The following UBTD1 variants were observed in gnomAD, a reference collection of about 807,000 sequenced individuals.
The protein encoded by UBTD1 is ubiquitin domain containing 1.
Under a neutral mutation model 21.7 loss-of-function variants are expected in UBTD1, and 19 were observed. That is an observed-to-expected ratio of 0.87 (90% CI 0.61 to 1.28). The LOEUF is 1.28. UBTD1 is among the 50% of genes most tolerant of loss of function. UBTD1 has a pLI of 0.00. For missense variants in UBTD1, 282 were observed against 315.1 expected, an observed-to-expected ratio of 0.89 and a Z score of 0.80; for synonymous variants, 116 against 135.1, an observed-to-expected ratio of 0.86 and a Z score of 0.98.
At chr10:97,542,936 C>A (rs994311970) in intron 1 of UBTD1, among the ~76,000 whole-genome samples, 3 of 152,256 alleles carry the variant, frequency 2.0e-5, no homozygotes, top group Non-Finnish European at 2.9e-5. Flanking sequence ...CAGCACTTCT[C>A]GGCCTTGGCC....
At chr10:97,569,458 C>T (rs757362260) in intron 2 of UBTD1, among the ~76,000 whole-genome samples, 2 of 152,164 alleles carry the variant, frequency 1.3e-5, no homozygotes, top group Admixed American at 1.3e-4. Flanking sequence ...CAAGCCAGTA[C>T]CTGGTGGAGC....
intron 1 of UBTD1, among the ~76,000 whole-genome samples, chr10:97,533,013 T>G (rs999644993): frequency 6.6e-6 from 1 of 152,200 alleles, no homozygotes; most frequent in Non-Finnish European, 1.5e-5. Flanking sequence ...GCATCCACTT[T>G]CCCAGCTGGA....
intron 1 of UBTD1, among the ~76,000 whole-genome samples, chr10:97,507,868 C>A (rs1212184317): frequency 6.7e-6 from 1 of 149,922 alleles, no homozygotes; most frequent in South Asian, 2.1e-4. Context: ...ACTGAAGGGA[C>A]AGGGATGACT....
At position 97,567,762 on chromosome 10, in the gene UBTD1, T is replaced by A. The variant is rs1343237008; in HGVS notation, c.71-152T>A. ...TATGTGAAGTTTTCTGACTCTTCCC[T>A]GCTATTTAGGAAGGGCTTCAAAGAC... On this transcript the variant is annotated intron_variant, in intron 1 of 2. Transcript: ENST00000370664. 7 of 703,872 alleles carry A rather than the reference T, an allele frequency of 9.9e-6. No homozygotes were observed. In the African/African-American group the frequency reaches 1.1e-4, roughly 11 times the overall value. The allele number at this position is 703,872 out of a possible 1,614,324, so 43.6% of individuals were successfully genotyped here.
chr10:97,534,575 G>A (rs992345709), intron 1 of UBTD1, among the ~76,000 whole-genome samples: 21 of 47,028 alleles, frequency 4.5e-4, no homozygotes, highest in Non-Finnish European at 9.8e-4. Context: ...ACACACGCGC[G>A]CGCGCACACA....
intron 1 of UBTD1, among the ~76,000 whole-genome samples, chr10:97,528,821 C>T (rs1351354628): frequency 7.0e-6 from 1 of 142,798 alleles, no homozygotes; most frequent in East Asian, 2.2e-4. Context: ...GGCAGAGGGG[C>T]TCCTCACTTC....
intron 1 of UBTD1, among the ~76,000 whole-genome samples, chr10:97,546,900 ACTCT>A (rs144552590): frequency 1.2e-4 from 18 of 147,142 alleles, no homozygotes; most frequent in African/African-American, 3.5e-4. Flanking sequence ...TCACACACAC[ACTCT>A]CTCTCTCTCT....
intron 1 of UBTD1, among the ~76,000 whole-genome samples, chr10:97,532,705 G>A (rs866778543): frequency 6.2e-4 from 95 of 152,232 alleles, no homozygotes; most frequent in Admixed American, 7.2e-4. Flanking sequence ...CAGGAGAATC[G>A]CTTGAGTCCG....
Position 97,526,262 on chromosome 10 carries a change from G to A in UBTD1, c.70+26989G>A, listed in dbSNP as rs117586811. ...TTTCTGGAAAGCAATTTGGCAAAAG[G>A]TAACAAGAACCTTAAAACTATCCCT... On this transcript the variant is annotated intron_variant, in intron 1 of 2. Transcript: ENST00000370664. Among the ~76,000 whole-genome samples, 363 of 152,296 alleles carry A rather than the reference G, an allele frequency of 2.4e-3. 1 individual carries two copies. Among genetic ancestry groups the A allele is most frequent in the Non-Finnish European group, 4.6e-3 (310 of 68,026 alleles).
chr10:97,529,804 C>T (rs1183703812), intron 1 of UBTD1, among the ~76,000 whole-genome samples: 2 of 152,106 alleles, frequency 1.3e-5, no homozygotes, highest in Admixed American at 6.5e-5. Flanking sequence ...TGGGACTGAT[C>T]TGCCCTTCTT....
chr10:97,524,433 T>G (rs1250792310), intron 1 of UBTD1, among the ~76,000 whole-genome samples: 1 of 152,104 alleles, frequency 6.6e-6, no homozygotes, highest in Non-Finnish European at 1.5e-5. Flanking sequence ...CTGGCACACC[T>G]CCTTCTTCTA....
chr10:97,536,008 T>TTATTATTATTATTATTC (rs1200462477), intron 1 of UBTD1, among the ~76,000 whole-genome samples: 33 of 19,516 alleles, frequency 1.7e-3, no homozygotes, highest in South Asian at 6.2e-3. Context: ...TATTATTATT[T>TTATTATTATTATTATTC]CGAGACAGAA....
At chr10:97,525,241 T>G (rs759298538) in intron 1 of UBTD1, among the ~76,000 whole-genome samples, 34 of 152,232 alleles carry the variant, frequency 2.2e-4, no homozygotes, top group Admixed American at 1.3e-3. Context: ...GGAGAGGGTG[T>G]GTGTGGAACC....
intron 1 of UBTD1, among the ~76,000 whole-genome samples, chr10:97,513,901 G>A (rs770978714): frequency 5.9e-4 from 89 of 152,088 alleles, no homozygotes; most frequent in Middle Eastern, 3.4e-3. Context: ...TTATAGAGAT[G>A]GGGTCTCGCC....
intron 1 of UBTD1, among the ~76,000 whole-genome samples, chr10:97,528,221 G>A (rs2040501692): frequency 9.2e-6 from 1 of 109,288 alleles, no homozygotes. Context: ...GCCGGGCAGA[G>A]GGGCTCCTCA....
chr10:97,531,986 G>T (rs1223779454), intron 1 of UBTD1, among the ~76,000 whole-genome samples: 1 of 152,244 alleles, frequency 6.6e-6, no homozygotes, highest in Admixed American at 6.5e-5. Flanking sequence ...GCCAAGACCA[G>T]CAGGAAGACT....
intron 1 of UBTD1, among the ~76,000 whole-genome samples, chr10:97,534,117 G>A (rs2040547607): frequency 1.3e-5 from 2 of 152,142 alleles, no homozygotes; most frequent in Non-Finnish European, 2.9e-5. Flanking sequence ...AAGGTCTGAG[G>A]ACAGCTTGCC....
chr10:97,555,206 C>G (rs1265408895), intron 1 of UBTD1, among the ~76,000 whole-genome samples: 7 of 152,186 alleles, frequency 4.6e-5, no homozygotes, highest in Non-Finnish European at 8.8e-5. Flanking sequence ...GATCAAAGCT[C>G]TCATTAGGGG....
chr10:97,509,022 A>G (rs890928958), intron 1 of UBTD1, among the ~76,000 whole-genome samples: 6 of 152,248 alleles, frequency 3.9e-5, no homozygotes, highest in African/African-American at 1.4e-4. Flanking sequence ...AAAGAGGCAC[A>G]GAGAGTCATG....
Sources: allele counts gnomAD v4.1 joint callset (sites outside exome capture counted in the v4.1 genomes callset), GRCh38; gene constraint gnomAD v4.1.1; transcripts MANE v1.5; gene names NCBI Gene and HGNC (gene_info 2026-07-23, HGNC 2026-07-21).